Variants in SURF1 observed in about 807,000 individuals in gnomAD.
SURF1 encodes the protein SURF1 cytochrome c oxidase assembly factor.
SURF1 carries 45 observed loss-of-function variants against 34.1 expected under a neutral mutation model. The observed-to-expected ratio is 1.32, with a 90% confidence interval of 1.04 to 1.69. The LOEUF is 1.69. Among genes scored for constraint, SURF1 ranks in the 40% most tolerant of loss-of-function variants. SURF1 has a pLI of 0.00. For synonymous variants in SURF1, 188 were observed against 147.5 expected, an observed-to-expected ratio of 1.27 and a Z score of -1.99; for missense variants, 456 against 384.6, an observed-to-expected ratio of 1.19 and a Z score of -1.55.
At chr9:133,352,334 A>G (rs2130006217) in intron 7 of SURF1, 112 bp downstream of exon 7, 10 of 1,558,390 alleles carry the variant, frequency 6.4e-6, no homozygotes, top group South Asian at 2.2e-5. Flanking sequence ...CCCACCCGCC[A>G]TATACACATG....
At position 133,352,426 on chromosome 9, in the gene SURF1, T is replaced by G; in HGVS notation, c.751+20A>C. The G allele has an allele frequency of 1.2e-6, 2 of 1,614,214 alleles. No individual in the cohort carries two copies. The highest frequency in any genetic ancestry group is 1.7e-6 in the Non-Finnish European group (2 of 1,180,044). ...TTCACAAAAGCTACTTGTTCCGAGA[T>G]GGGCTGGTCCACAACGTACGGAAGT... is the stretch of plus-strand genomic sequence containing the variant. On this transcript the variant is annotated intron_variant, in intron 7 of 8. Transcript: ENST00000371974.
intron 7 of SURF1, 34 bp downstream of exon 7, chr9:133,352,412 T>C (rs2130006618): frequency 2.5e-6 from 4 of 1,614,050 alleles, no homozygotes; most frequent in Admixed American, 1.7e-5. Flanking sequence ...TCACAAAAGC[T>C]ACTTGTTCCG....
chr9:133,352,274 C>T (rs1836440652), intron 7 of SURF1, 132 bp from the exon 8 acceptor site: 1 of 1,372,900 alleles, frequency 7.3e-7, no homozygotes, highest in Admixed American at 1.9e-5. Context: ...CCATCCCCGC[C>T]CTTGTCCGCT....
chr9:133,356,366 GCCCCGCA>G (rs2130025853), intron 1 of SURF1, 27 bp downstream of exon 1: 284 of 1,343,714 alleles, frequency 2.1e-4, no homozygotes, highest in South Asian at 5.7e-4. Context: ...CCCTCCCCGC[GCCCCGCA>G]CCCCGCACCC....
Position 133,352,777 on chromosome 9 carries a change from GA to G in SURF1, c.516-12del, listed in dbSNP as rs2130010170. 51 of 1,607,604 alleles carry G rather than the reference GA, an allele frequency of 3.2e-5. No individual in the cohort carries two copies. In the African/African-American group the frequency reaches 6.1e-4, roughly 19 times the overall value. On this transcript the variant is annotated splice_polypyrimidine_tract_variant and intron_variant, in intron 5 of 8. Transcript: ENST00000371974. Reference sequence around the variant, plus strand: ...ACCAGGATGGTGACTCTAGGGTAATGAAAGTGCTACTTCAGGTGGGGAGGGT... The same window carrying G: ...ACCAGGATGGTGACTCTAGGGTAATGAAGTGCTACTTCAGGTGGGGAGGGT...
At chr9:133,352,652 C>T (rs2130008990) in intron 6 of SURF1, 42 bp downstream of exon 6, 22 of 1,613,704 alleles carry the variant, frequency 1.4e-5, no homozygotes, top group Non-Finnish European at 1.8e-5. Flanking sequence ...CTGGTGGACT[C>T]CCAGAGCCTT....
intron 4 of SURF1, chr9:133,354,242 G>A: frequency 1.9e-6 from 1 of 517,756 alleles, no homozygotes; most frequent in Non-Finnish European, 3.5e-6. Flanking sequence ...TACCCTGAAT[G>A]GAAAATGTGG....
chr9:133,356,346 G>C, intron 1 of SURF1, 26 bp from the exon 2 acceptor site: 1 of 1,399,658 alleles, frequency 7.1e-7, no homozygotes, highest in South Asian at 1.3e-5. Flanking sequence ...GGCGGGCTGA[G>C]CTCCGGGACC....
intron 2 of SURF1, 38 bp from the exon 3 acceptor site, chr9:133,354,995 C>T (rs1193128534): frequency 5.6e-6 from 9 of 1,610,268 alleles, no homozygotes; most frequent in Admixed American, 1.7e-5. Flanking sequence ...AGCCAGAAGC[C>T]CTCGAACACA....
chr9:133,352,156 A>C lies in SURF1; in HGVS notation c.752-14T>G, dbSNP rs2130005223. On this transcript the variant is annotated splice_polypyrimidine_tract_variant and intron_variant, in intron 7 of 8. Coordinates refer to ENST00000371974, the MANE Select transcript of SURF1 (RefSeq NM_003172.4). ...GGACTGTGCTCTCTGTGGAGACAGC[A>C]GACTCAAGTCCACCCCCTACTGGCC... 6.9e-6 allele frequency: 11 copies of C among 1,584,644 alleles called. No homozygotes were observed. Among genetic ancestry groups the C allele is most frequent in the East Asian group, 2.3e-5 (1 of 43,902 alleles).
chr9:133,353,406 G>C (rs986950916), intron 5 of SURF1, among the ~76,000 whole-genome samples: 1 of 152,134 alleles, frequency 6.6e-6, no homozygotes, highest in Non-Finnish European at 1.5e-5. Flanking sequence ...TAGGGCTGGG[G>C]TCCTTTCTCT....
At chr9:133,354,130 G>C (rs1395260322) in intron 4 of SURF1, 190 bp from the exon 5 acceptor site, 1 of 691,506 alleles carries the variant, frequency 1.4e-6, no homozygotes, top group Non-Finnish European at 2.6e-6. Flanking sequence ...CTTTACAAGA[G>C]AGGCTAAAAA....
rs2130003938 is a variant in SURF1, at chr9:133,352,048, G to C, written c.833+13C>G. On this transcript the variant is annotated intron_variant, in intron 8 of 8. Coordinates refer to ENST00000371974, the MANE Select transcript of SURF1 (RefSeq NM_003172.4). Reference sequence around the variant, plus strand: ...CTGAAGGGGAGGAAGCCAGAGGGCCGCTGGGGACTCACCAGGTCACGATGT... The same window carrying C: ...CTGAAGGGGAGGAAGCCAGAGGGCCCCTGGGGACTCACCAGGTCACGATGT... 1 of 1,611,976 alleles carries C rather than the reference G, an allele frequency of 6.2e-7. No individual in the cohort carries two copies. The highest frequency in any genetic ancestry group is 8.5e-7 in the Non-Finnish European group (1 of 1,179,030).
chr9:133,352,317 GCCT>G, intron 7 of SURF1, 126 bp downstream of exon 7: 3 of 1,506,256 alleles, frequency 2.0e-6, no homozygotes, highest in Middle Eastern at 2.0e-4. Flanking sequence ...CTGAGTTGCT[GCCT>G]CCTCCCACCC....
At position 133,353,045 on chromosome 9, in the gene SURF1, G is replaced by C. The variant is rs140091505; in HGVS notation, c.516-279C>G. Reference sequence around the variant, plus strand: ...TCTTGTGGTCTACCTACTACAACGTGCAACTGGTGAGCAACGCTGCCACGC... The same window carrying C: ...TCTTGTGGTCTACCTACTACAACGTCCAACTGGTGAGCAACGCTGCCACGC... On this transcript the variant is annotated intron_variant, in intron 5 of 8. Coordinates refer to ENST00000371974, the MANE Select transcript of SURF1 (RefSeq NM_003172.4). 2.6e-5 allele frequency among the ~76,000 whole-genome samples: 4 copies of C among 152,296 alleles called. No individual in the cohort carries two copies. The East Asian group carries it at 7.7e-4, about 29-fold the overall frequency.
At chr9:133,353,470 C>T (rs2130013272) in intron 5 of SURF1, among the ~76,000 whole-genome samples, 7 of 152,224 alleles carry the variant, frequency 4.6e-5, no homozygotes, top group Non-Finnish European at 1.5e-5. Context: ...GTGTGGGCAA[C>T]TAGACAGTTC....
chr9:133,354,948 C>T lies in SURF1; in HGVS notation c.116G>A (p.Trp39Ter). Residue 39 changes from tryptophan to a stop codon, truncating the protein, a stop_gained, in exon 3 of 9, where the codon TGG becomes TAG. Transcript: ENST00000371974. LOFTEE classifies it high-confidence loss of function. ...AGAACTGCCACATCTGCTTGGCCTC[C>T]AGGCCACCCCTGGAGAGTTTCACAA... ...LRVSPRPGVA[W>*]RPSRCGSSAA... The T allele has an allele frequency of 6.2e-7, 1 of 1,613,406 alleles. No homozygotes were observed. Among genetic ancestry groups the T allele is most frequent in the Non-Finnish European group, 8.5e-7 (1 of 1,180,026 alleles).
chr9:133,354,513 A>G (rs2130017215), intron 4 of SURF1, 146 bp downstream of exon 4: 12 of 983,382 alleles, frequency 1.2e-5, no homozygotes, highest in African/African-American at 3.2e-5. Context: ...AGCAAGCCCA[A>G]CAGATGACTG....
chr9:133,352,422 G>GA, intron 7 of SURF1, 24 bp downstream of exon 7: 12 of 1,614,184 alleles, frequency 7.4e-6, no homozygotes, highest in Non-Finnish European at 9.3e-6. Context: ...TACTTGTTCC[G>GA]AGATGGGCTG....
Sources: allele counts gnomAD v4.1 joint callset (sites outside exome capture counted in the v4.1 genomes callset), GRCh38; gene constraint gnomAD v4.1.1; transcripts MANE v1.5; gene names NCBI Gene and HGNC (gene_info 2026-07-23, HGNC 2026-07-21).